Variants in FRMD3 observed in about 807,000 individuals in gnomAD.
FRMD3 encodes FERM domain containing 3, also known as FERM domain-containing protein 3.
FRMD3 carries 33 observed loss-of-function variants against 70.2 expected under a neutral mutation model. That is an observed-to-expected ratio of 0.47 (90% CI 0.36 to 0.63). FRMD3 has a LOEUF of 0.63. FRMD3 is among the 20% of genes least tolerant of loss of function. The probability of loss-of-function intolerance (pLI) is 0.00; values close to 1 mark genes in which losing one functional copy is unlikely to be tolerated. For missense variants in FRMD3, 632 were observed against 711.4 expected, an observed-to-expected ratio of 0.89 and a Z score of 1.27; for synonymous variants, 279 against 255.9, an observed-to-expected ratio of 1.09 and a Z score of -0.86.
chr9:83,532,023 T>C (rs1829800682), intron 1 of FRMD3, among the ~76,000 whole-genome samples: 1 of 152,314 alleles, frequency 6.6e-6, no homozygotes, highest in African/African-American at 2.4e-5. Context: ...CTAATATAGT[T>C]TCACAAAACA....
chr9:83,489,325 C>A (rs1587465008), intron 1 of FRMD3, among the ~76,000 whole-genome samples: 1 of 152,056 alleles, frequency 6.6e-6, no homozygotes, highest in African/African-American at 2.4e-5. Flanking sequence ...AGACAACCTA[C>A]AGAGTGGAAG....
chr9:83,361,680 G>T (rs1240960682), intron 3 of FRMD3, among the ~76,000 whole-genome samples: 1 of 152,166 alleles, frequency 6.6e-6, no homozygotes, highest in Non-Finnish European at 1.5e-5. Context: ...GGTCTTTGTA[G>T]ATGTAATTGA....
intron 13 of FRMD3, among the ~76,000 whole-genome samples, chr9:83,282,025 TTTC>T (rs1218324929): frequency 6.6e-6 from 1 of 152,218 alleles, no homozygotes. Flanking sequence ...ACCCATTCTG[TTTC>T]AGCAAGAAGG....
chr9:83,560,363 A>G, the FRMD3 span, among the ~76,000 whole-genome samples: 8 of 152,180 alleles, frequency 5.3e-5, no homozygotes, highest in Non-Finnish European at 1.0e-4. Flanking sequence ...CACTTCTATT[A>G]TAAGAAGAAC....
chr9:83,437,714 A>C (rs1827176339), intron 1 of FRMD3, among the ~76,000 whole-genome samples: 1 of 152,196 alleles, frequency 6.6e-6, no homozygotes, highest in Non-Finnish European at 1.5e-5. Context: ...TAAACCAGGC[A>C]CACAGACGTG....
At chr9:83,397,666 T>C (rs1825844038) in intron 1 of FRMD3, among the ~76,000 whole-genome samples, 1 of 152,146 alleles carries the variant, frequency 6.6e-6, no homozygotes. Context: ...CATTTCCTAA[T>C]TATGAGGGTT....
intron 10 of FRMD3, among the ~76,000 whole-genome samples, chr9:83,307,593 T>C (rs1835180661): frequency 6.6e-6 from 1 of 152,182 alleles, no homozygotes; most frequent in Non-Finnish European, 1.5e-5. Flanking sequence ...ATACAACTTA[T>C]AATAGGTAAA....
At chr9:83,370,511 A>T (rs977210615) in intron 3 of FRMD3, among the ~76,000 whole-genome samples, 2 of 152,212 alleles carry the variant, frequency 1.3e-5, no homozygotes, top group African/African-American at 4.8e-5. Flanking sequence ...TCTGGTTCAG[A>T]CACTGAATTT....
chr9:83,356,806 T>C (rs1472553507), intron 3 of FRMD3, among the ~76,000 whole-genome samples: 8 of 151,948 alleles, frequency 5.3e-5, no homozygotes, highest in African/African-American at 1.9e-4. Context: ...ATAAGTTCTT[T>C]AGTGGTGATT....
At chr9:83,419,685 TTGAG>T (rs751235501) in intron 1 of FRMD3, among the ~76,000 whole-genome samples, 1 of 151,828 alleles carries the variant, frequency 6.6e-6, no homozygotes, top group Non-Finnish European at 1.5e-5. Context: ...TTTATGTGTG[TTGAG>T]TGTGTGTGAT....
At chr9:83,574,902 T>G in the FRMD3 span, among the ~76,000 whole-genome samples, 1 of 152,190 alleles carries the variant, frequency 6.6e-6, no homozygotes, top group East Asian at 1.9e-4. Context: ...CCAGCTGTTA[T>G]TACTTACCAG....
At chr9:83,563,053 C>G in the FRMD3 span, among the ~76,000 whole-genome samples, 1 of 151,466 alleles carries the variant, frequency 6.6e-6, no homozygotes, top group Non-Finnish European at 1.5e-5. Context: ...CGCAAAGATA[C>G]GCAGTATTAT....
At chr9:83,249,187 AAT>A (rs35800329) in intron 13 of FRMD3, among the ~76,000 whole-genome samples, 17,330 of 152,236 alleles carry the variant, frequency 0.11, 1,706 homozygotes, top group East Asian at 0.59. Flanking sequence ...GTAAGGAGAA[AAT>A]GCTATGAGAC....
intron 2 of FRMD3, among the ~76,000 whole-genome samples, chr9:83,373,867 C>T (rs966188569): frequency 2.0e-5 from 3 of 152,160 alleles, no homozygotes; most frequent in Admixed American, 6.5e-5. Context: ...GCAAATTTAC[C>T]GTCCATTGAG....
At chr9:83,463,783 CT>C (rs1828042217) in intron 1 of FRMD3, among the ~76,000 whole-genome samples, 1 of 152,212 alleles carries the variant, frequency 6.6e-6, no homozygotes, top group Non-Finnish European at 1.5e-5. Context: ...TGGTAGAATG[CT>C]TACCTGCTGC....
intron 13 of FRMD3, among the ~76,000 whole-genome samples, chr9:83,284,919 G>A (rs1166752431): frequency 1.3e-5 from 2 of 152,148 alleles, no homozygotes; most frequent in African/African-American, 2.4e-5. Flanking sequence ...GTGACAAATC[G>A]GAGCAACTGT....
At chr9:83,456,494 A>G (rs1175980111) in intron 1 of FRMD3, among the ~76,000 whole-genome samples, 1 of 152,246 alleles carries the variant, frequency 6.6e-6, no homozygotes, top group African/African-American at 2.4e-5. Context: ...AAAGTGTAAT[A>G]GAAGTTACAC....
At chr9:83,497,891 T>C (rs1436376676) in intron 1 of FRMD3, among the ~76,000 whole-genome samples, 1 of 152,242 alleles carries the variant, frequency 6.6e-6, no homozygotes, top group Non-Finnish European at 1.5e-5. Flanking sequence ...CTCATGCCTG[T>C]AATCCTAGCA....
At chr9:83,445,625 A>G (rs1235781666) in intron 1 of FRMD3, among the ~76,000 whole-genome samples, 6 of 152,240 alleles carry the variant, frequency 3.9e-5, no homozygotes, top group African/African-American at 1.4e-4. Flanking sequence ...TAAGTTTATT[A>G]TGATCTTGTT....
Sources: gnomAD v4.1 joint callset for allele counts (sites outside exome capture counted in the v4.1 genomes callset) on GRCh38, gnomAD v4.1.1 for gene constraint, MANE v1.5 for transcripts, NCBI Gene and HGNC (gene_info 2026-07-23, HGNC 2026-07-21) for gene names.